PHIP: variants seen among roughly 807,000 people sequenced by gnomAD.
The protein encoded by PHIP is PHIP subunit of CUL4-Ring ligase complex.
In PHIP, 54 loss-of-function variants were observed where a neutral mutation model predicts 236.8. That is an observed-to-expected ratio of 0.23 (90% CI 0.18 to 0.29). The LOEUF (loss-of-function observed/expected upper bound fraction) is 0.29, where lower values mean the gene tolerates loss of function less well. PHIP is among the 10% of genes least tolerant of loss of function. PHIP has a pLI of 1.00. For missense variants in PHIP, 1,370 were observed against 2,190.8 expected (o/e 0.63, Z 7.48); for synonymous variants, 756 against 718.9 (o/e 1.05, Z -0.83).
At chr6:79,077,995 C>G (rs747025063) in intron 1 of PHIP, 34 bp downstream of exon 1, 34 of 1,606,324 alleles carry the variant, frequency 2.1e-5, no homozygotes, top group Non-Finnish European at 2.8e-5. Context: ...CGGAATCGCC[C>G]GGTGCCAGCG....
intron 4 of PHIP, among the ~76,000 whole-genome samples, chr6:79,063,310 C>G (rs1253737207): frequency 6.6e-6 from 1 of 152,204 alleles, no homozygotes; most frequent in Non-Finnish European, 1.5e-5. Flanking sequence ...CTGACTTCCC[C>G]ACTCTCAAAA....
rs751990158 is a variant in PHIP at position 79,042,829 on chromosome 6, T to C, written c.600+14A>G. The C allele has an allele frequency of 3.9e-6, 6 of 1,555,732 alleles. No homozygotes were observed. The highest frequency in any genetic ancestry group is 1.2e-5 in the South Asian group (1 of 84,830). ...ACATATATGAATATAAATAATACTT[T>C]AGCAATTACTTACAGTAAATATCCG... On this transcript the variant is annotated intron_variant, in intron 7 of 39. Coordinates refer to ENST00000275034, the MANE Select transcript of PHIP (RefSeq NM_017934.7).
chr6:78,978,089 A>G (rs1768243363), intron 24 of PHIP, among the ~76,000 whole-genome samples: 1 of 152,092 alleles, frequency 6.6e-6, no homozygotes, highest in African/African-American at 2.4e-5. Flanking sequence ...ACATATTCTA[A>G]AACAATGGTC....
chr6:79,005,467 T>C (rs1770238015), intron 15 of PHIP, among the ~76,000 whole-genome samples: 1 of 151,954 alleles, frequency 6.6e-6, no homozygotes, highest in Non-Finnish European at 1.5e-5. Context: ...TGAACTGTTA[T>C]AAATAAGCAA....
chr6:79,061,404 T>C (rs1312789000), intron 4 of PHIP, among the ~76,000 whole-genome samples: 5 of 152,166 alleles, frequency 3.3e-5, no homozygotes, highest in Non-Finnish European at 5.9e-5. Flanking sequence ...ACTATATTAG[T>C]TGTTTTTCAC....
intron 18 of PHIP, 114 bp from the exon 19 acceptor site, chr6:78,997,711 A>G (rs1769712454): frequency 2.4e-6 from 2 of 827,124 alleles, no homozygotes; most frequent in Non-Finnish European, 3.7e-6. Flanking sequence ...ATTGTGGCAA[A>G]ATAATTAAAT....
intron 7 of PHIP, among the ~76,000 whole-genome samples, chr6:79,040,280 A>C (rs1481963120): frequency 6.6e-6 from 1 of 152,118 alleles, no homozygotes; most frequent in African/African-American, 2.4e-5. Context: ...AGAAGTGGTA[A>C]AGCTGTGACT....
At chr6:79,037,631 T>C (rs1419963943) in intron 7 of PHIP, among the ~76,000 whole-genome samples, 2 of 152,202 alleles carry the variant, frequency 1.3e-5, no homozygotes, top group African/African-American at 2.4e-5. Context: ...AAAGTCCTAA[T>C]ACAAAGACTT....
chr6:79,076,835 G>C (rs1774184553), intron 4 of PHIP, among the ~76,000 whole-genome samples: 1 of 152,064 alleles, frequency 6.6e-6, no homozygotes, highest in South Asian at 2.1e-4. Context: ...AATGCAAGAC[G>C]AAGCACTGAC....
At chr6:79,074,263 G>T (rs76711520) in intron 4 of PHIP, among the ~76,000 whole-genome samples, 3,907 of 151,906 alleles carry the variant, frequency 0.026, 67 homozygotes, top group Non-Finnish European at 0.038. Context: ...AGTTCTTGGG[G>T]GGAAAAAAGA....
chr6:79,034,224 A>G (rs765264921), intron 7 of PHIP, among the ~76,000 whole-genome samples: 18 of 152,240 alleles, frequency 1.2e-4, no homozygotes, highest in Non-Finnish European at 2.4e-4. Flanking sequence ...TGTAAAAAAT[A>G]CAGTATTTGC....
intron 4 of PHIP, among the ~76,000 whole-genome samples, chr6:79,069,924 T>C (rs1275871222): frequency 6.6e-6 from 1 of 152,040 alleles, no homozygotes; most frequent in East Asian, 1.9e-4. Flanking sequence ...CAGTTTACAT[T>C]ATCAATACAA....
rs1170981908 is a variant in PHIP, at chr6:79,064,061, A to G, written c.190-3243T>C. Among the ~76,000 whole-genome samples the G allele has an allele frequency of 1.4e-4, 22 of 151,888 alleles. 1 individual carries two copies. The highest frequency in any genetic ancestry group is 1.0e-4 in the Non-Finnish European group (7 of 67,996). On this transcript the variant is annotated intron_variant, in intron 4 of 39. Coordinates refer to ENST00000275034, the MANE Select transcript of PHIP (RefSeq NM_017934.7). ...AAAGCTGAAGCTTTGTTTCTTCCCT[A>G]TCAAATCTGTAAACCTATCTACACC...
chr6:79,061,593 A>G (rs1300888065), intron 4 of PHIP, among the ~76,000 whole-genome samples: 1 of 152,138 alleles, frequency 6.6e-6, no homozygotes, highest in Non-Finnish European at 1.5e-5. Flanking sequence ...GGGAATAATT[A>G]TTATAAAAAT....
chr6:78,943,330 T>C (rs1394012228), intron 39 of PHIP, among the ~76,000 whole-genome samples: 1 of 152,158 alleles, frequency 6.6e-6, no homozygotes, highest in African/African-American at 2.4e-5. Context: ...GTATTTGTAA[T>C]ACTCAAAAAT....
At chr6:78,992,882 AGG>A (rs1769356785) in intron 19 of PHIP, among the ~76,000 whole-genome samples, 1 of 152,200 alleles carries the variant, frequency 6.6e-6, no homozygotes, top group Non-Finnish European at 1.5e-5. Context: ...TTTAAATCAA[AGG>A]TAGCAACGAT....
At chr6:79,016,781 G>T in intron 12 of PHIP, 139 bp from the exon 13 acceptor site, 1 of 523,412 alleles carries the variant, frequency 1.9e-6, no homozygotes, top group Non-Finnish European at 3.4e-6. Context: ...AAACTTTATG[G>T]GCTTTTTAGA....
Position 78,988,365 on chromosome 6 carries a change from T to C in PHIP, c.2320-16A>G. 6.5e-7 allele frequency: 1 copy of C among 1,549,304 alleles called. No homozygotes were observed. The highest frequency in any genetic ancestry group is 8.7e-7 in the Non-Finnish European group (1 of 1,146,070). On this transcript the variant is annotated splice_polypyrimidine_tract_variant and intron_variant, in intron 20 of 39. Coordinates refer to ENST00000275034, the MANE Select transcript of PHIP (RefSeq NM_017934.7). ...GAGCATGATTCTAGAAAAAAATAAA[T>C]TAAATTTATTCACAGATTGTTTAAA...
chr6:78,985,551 A>G, intron 21 of PHIP, 123 bp from the exon 22 acceptor site: 3 of 704,974 alleles, frequency 4.3e-6, no homozygotes, highest in Non-Finnish European at 5.1e-6. Context: ...TTTGATTTAA[A>G]TTAGTTGCAA....
Sources: allele counts gnomAD v4.1 joint callset (sites outside exome capture counted in the v4.1 genomes callset), GRCh38; gene constraint gnomAD v4.1.1; transcripts MANE v1.5; gene names NCBI Gene and HGNC (gene_info 2026-07-23, HGNC 2026-07-21).